RASSF3: variants seen among roughly 807,000 people sequenced by gnomAD.
The protein encoded by RASSF3 is ras association domain-containing protein 3.
In RASSF3, 19 loss-of-function variants were observed where a neutral mutation model predicts 19.9. That is an observed-to-expected ratio of 0.96 (90% CI 0.67 to 1.40). RASSF3 has a LOEUF of 1.40. RASSF3 is among the 40% of genes most tolerant of loss of function. The pLI, the probability that RASSF3 is intolerant of heterozygous loss-of-function variation, is 0.00. For missense variants in RASSF3, 306 were observed against 289.8 expected (o/e 1.06, Z -0.41); for synonymous variants, 110 against 104.2 (o/e 1.06, Z -0.34).
At chr12:64,550,664 A>G (rs986676639) in intron 2 of RASSF3, among the ~76,000 whole-genome samples, 1 of 151,622 alleles carries the variant, frequency 6.6e-6, no homozygotes, top group Admixed American at 6.6e-5. Context: ...CCAAAAAACG[A>G]AAAGAAAAAG....
At chr12:64,558,261 T>C (rs1467649774) in intron 2 of RASSF3, among the ~76,000 whole-genome samples, 1 of 152,208 alleles carries the variant, frequency 6.6e-6, no homozygotes, top group Non-Finnish European at 1.5e-5. Context: ...GCTGCTCCAT[T>C]CATGTGCCCA....
chr12:64,552,366 A>G (rs1419827778), intron 2 of RASSF3, among the ~76,000 whole-genome samples: 2 of 151,906 alleles, frequency 1.3e-5, no homozygotes, highest in Non-Finnish European at 2.9e-5. Context: ...TGTGCAGGAT[A>G]AATTTAATTT....
At chr12:64,532,432 T>C (rs1340008437), upstream of RASSF3, among the ~76,000 whole-genome samples, 1 of 152,236 alleles carries the variant, frequency 6.6e-6, no homozygotes, top group East Asian at 1.9e-4. Context: ...GCAAATTTTC[T>C]GAACAAGAAA....
intron 2 of RASSF3, among the ~76,000 whole-genome samples, chr12:64,584,355 T>TGGAGCC (rs1431231975): frequency 6.6e-6 from 1 of 152,168 alleles, no homozygotes; most frequent in Non-Finnish European, 1.5e-5. Flanking sequence ...CTTTCATTTC[T>TGGAGCC]GGAGCCAGAG....
At chr12:64,547,287 G>T (rs1366633267) in intron 2 of RASSF3, among the ~76,000 whole-genome samples, 1 of 137,828 alleles carries the variant, frequency 7.3e-6, no homozygotes, top group African/African-American at 2.7e-5. Flanking sequence ...AAAAAAAAAA[G>T]CCAGGCACGG....
At chr12:64,604,937 C>A (rs1870162820) in intron 2 of RASSF3, among the ~76,000 whole-genome samples, 1 of 151,410 alleles carries the variant, frequency 6.6e-6, no homozygotes, top group African/African-American at 2.4e-5. Flanking sequence ...GTAACCAACT[C>A]CTATCATCTT....
intron 1 of RASSF3, among the ~76,000 whole-genome samples, chr12:64,621,513 T>C (rs377479064): frequency 5.3e-4 from 80 of 151,958 alleles, no homozygotes; most frequent in African/African-American, 1.7e-3. Flanking sequence ...GTTTCGGTCA[T>C]GTTGCCCAGG....
chr12:64,555,831 G>A (rs1449149453), intron 2 of RASSF3, among the ~76,000 whole-genome samples: 1 of 151,870 alleles, frequency 6.6e-6, no homozygotes, highest in Non-Finnish European at 1.5e-5. Flanking sequence ...AAGGTAGGAG[G>A]ATCACTTGAA....
intron 1 of RASSF3, among the ~76,000 whole-genome samples, chr12:64,640,737 G>T (rs1797685): frequency 4.0e-5 from 6 of 151,860 alleles, no homozygotes; most frequent in East Asian, 1.9e-4. Context: ...CAACCTCCCG[G>T]GCCCAAGTGA....
intron 2 of RASSF3, among the ~76,000 whole-genome samples, chr12:64,584,838 A>G (rs913116086): frequency 4.8e-5 from 7 of 144,408 alleles, no homozygotes; most frequent in African/African-American, 1.0e-4. Flanking sequence ...TACCTGTTCA[A>G]TGTTGTTCTC....
chr12:64,633,029 T>C (rs1248127375), intron 1 of RASSF3, among the ~76,000 whole-genome samples: 2 of 152,220 alleles, frequency 1.3e-5, no homozygotes, highest in Non-Finnish European at 2.9e-5. Flanking sequence ...CTAAGCAGTT[T>C]CAATAGAAAT....
chr12:64,657,008 TTTC>T lies in RASSF3; in HGVS notation c.112-27776_112-27774del, dbSNP rs1285845532. On this transcript the variant is annotated intron_variant, in intron 1 of 4. Coordinates refer to ENST00000542104, the MANE Select transcript of RASSF3 (RefSeq NM_178169.4). ...AGGGAGTCAGTGTTTAATAGTATAG[TTTC>T]TTTTTTTTTTTTTTTTCAGACAGAG... 1.5e-3 allele frequency among the ~76,000 whole-genome samples: 211 copies of T among 138,292 alleles called. 1 individual carries two copies. The highest frequency in any genetic ancestry group is 4.2e-3 in the Admixed American group (58 of 13,764). The allele number at this position is 138,292 out of a possible 152,430, so 90.7% of individuals were successfully genotyped here.
At position 64,510,188 on chromosome 12, in the gene RASSF3, A is replaced by C. The variant is rs566647416; in HGVS notation, c.169+2859A>C. On this transcript the variant is annotated intron_variant, in intron 1 of 5. Coordinates refer to the RASSF3 transcript ENST00000637125. ...GGATTATATCCCCTCCAGAGCAAGA[A>C]CTATCTTTTCTTCTATCTCCAGTGT... Among the ~76,000 whole-genome samples the C allele has an allele frequency of 1.2e-4, 18 of 152,304 alleles. No homozygotes were observed. In the South Asian group the frequency reaches 3.5e-3, roughly 30 times the overall value.
At chr12:64,531,138 T>A (rs1329011941), upstream of RASSF3, among the ~76,000 whole-genome samples, 1 of 152,226 alleles carries the variant, frequency 6.6e-6, no homozygotes, top group Non-Finnish European at 1.5e-5. Flanking sequence ...TCACAATGAT[T>A]CCCTCCTATG....
intron 1 of RASSF3, among the ~76,000 whole-genome samples, chr12:64,657,919 C>CA (rs1237333887): frequency 1.3e-5 from 2 of 151,872 alleles, no homozygotes; most frequent in East Asian, 1.9e-4. Context: ...TACAAAACTT[C>CA]AAAAAAAATT....
intron 1 of RASSF3, among the ~76,000 whole-genome samples, chr12:64,653,901 G>T (rs957848650): frequency 2.0e-5 from 3 of 152,086 alleles, no homozygotes; most frequent in Admixed American, 2.0e-4. Context: ...CACTGCCTGC[G>T]GGATGGTGGC....
intron 2 of RASSF3, among the ~76,000 whole-genome samples, chr12:64,573,013 G>T (rs1869544374): frequency 6.6e-6 from 1 of 152,194 alleles, no homozygotes; most frequent in South Asian, 2.1e-4. Flanking sequence ...GGGATTATAA[G>T]CATGAACCAC....
chr12:64,540,356 A>T (rs935643672), intron 1 of RASSF3, among the ~76,000 whole-genome samples: 2 of 152,236 alleles, frequency 1.3e-5, no homozygotes, highest in Admixed American at 1.3e-4. Context: ...TAAATGTTTT[A>T]AAAATACTTA....
intron 1 of RASSF3, among the ~76,000 whole-genome samples, chr12:64,615,909 A>G (rs527863857): frequency 1.8e-4 from 27 of 152,234 alleles, no homozygotes; most frequent in African/African-American, 6.3e-4. Context: ...TCCTGACCTC[A>G]GGTGATCCAC....
Sources: gnomAD v4.1 joint callset for allele counts (sites outside exome capture counted in the v4.1 genomes callset) on GRCh38, gnomAD v4.1.1 for gene constraint, MANE v1.5 for transcripts, NCBI Gene and HGNC (gene_info 2026-07-23, HGNC 2026-07-21) for gene names.